Variants in FSTL4 observed in about 807,000 individuals in gnomAD.
FSTL4 encodes follistatin-related protein 4.
Under a neutral mutation model 78.2 loss-of-function variants are expected in FSTL4, and 28 were observed. The ratio of observed to expected loss-of-function variants is 0.36; its 90% CI spans 0.27 to 0.49. The LOEUF (loss-of-function observed/expected upper bound fraction) is 0.49, where lower values mean the gene tolerates loss of function less well. Ranked by LOEUF, FSTL4 falls within the 20% of genes least tolerant of loss-of-function variation. FSTL4 has a pLI of 0.98. For missense variants in FSTL4, 922 were observed against 1,084.9 expected (o/e 0.85, Z 2.11); for synonymous variants, 422 against 440.5 (o/e 0.96, Z 0.53).
At chr5:133,618,656 A>G in the FSTL4 span, among the ~76,000 whole-genome samples, 1 of 152,318 alleles carries the variant, frequency 6.6e-6, no homozygotes, top group East Asian at 1.9e-4. Flanking sequence ...TCCTCATGAC[A>G]ACTCTGTAAG....
In FSTL4 at chr5:133,361,814, G is replaced by C. The variant is rs932790981; in HGVS notation, c.409+38924C>G. On this transcript the variant is annotated intron_variant, in intron 4 of 15. Transcript: ENST00000265342. The surrounding 1 kb of genome is among the most constrained non-coding windows in gnomAD (Gnocchi z 4.3). The stretch of plus-strand genomic sequence containing the variant: ...GTTGCTGTTAGTATTGAGTGAGCAA[G>C]GACCAGGGATACCAGACATTTTGCA... Among the ~76,000 whole-genome samples the C allele has an allele frequency of 1.3e-5, 2 of 152,164 alleles. No homozygotes were observed. The highest frequency in any genetic ancestry group is 2.9e-5 in the Non-Finnish European group (2 of 68,032).
At chr5:133,774,622 G>A in the FSTL4 span, among the ~76,000 whole-genome samples, 41 of 152,138 alleles carry the variant, frequency 2.7e-4, no homozygotes, top group Admixed American at 2.7e-3. Context: ...TTTGTTTGCT[G>A]GTTGAAACAT....
chr5:133,532,768 T>C (rs1759282347), intron 3 of FSTL4, among the ~76,000 whole-genome samples: 3 of 152,192 alleles, frequency 2.0e-5, no homozygotes, highest in Non-Finnish European at 4.4e-5. Flanking sequence ...ATGTCACCTG[T>C]GGCCATCCTG....
intron 6 of FSTL4, among the ~76,000 whole-genome samples, chr5:133,260,990 G>A (rs1329506845): frequency 1.3e-5 from 2 of 152,188 alleles, no homozygotes; most frequent in Non-Finnish European, 2.9e-5. Context: ...CCTGTGGTCT[G>A]GTAAGGAGTC....
the FSTL4 span, among the ~76,000 whole-genome samples, chr5:133,784,736 GA>G: frequency 4.3e-3 from 587 of 137,608 alleles, no homozygotes; most frequent in South Asian, 0.015. Flanking sequence ...ATTCCCTTAA[GA>G]AAAAAAAAAA....
the FSTL4 span, among the ~76,000 whole-genome samples, chr5:133,634,934 G>A: frequency 6.6e-6 from 1 of 152,096 alleles, no homozygotes; most frequent in Non-Finnish European, 1.5e-5. Context: ...TTCATCCAGA[G>A]CTTAGTTATA....
chr5:133,725,516 G>T, the FSTL4 span, among the ~76,000 whole-genome samples: 1 of 152,120 alleles, frequency 6.6e-6, no homozygotes, highest in African/African-American at 2.4e-5. Context: ...ATTGTTAATG[G>T]TAGAGACAAT....
chr5:133,617,742 A>G, the FSTL4 span, among the ~76,000 whole-genome samples: 1 of 152,210 alleles, frequency 6.6e-6, no homozygotes, highest in Non-Finnish European at 1.5e-5. Context: ...TAGAGACCCC[A>G]GACTGATAGA....
chr5:133,201,543 C>T (rs1750319725), intron 15 of FSTL4, among the ~76,000 whole-genome samples: 1 of 152,224 alleles, frequency 6.6e-6, no homozygotes, highest in Non-Finnish European at 1.5e-5. Flanking sequence ...GTCTTCACTT[C>T]TCTGATCCTC....
chr5:133,614,715 G>T (rs368949071), upstream of FSTL4, among the ~76,000 whole-genome samples: 1 of 152,114 alleles, frequency 6.6e-6, no homozygotes, highest in Admixed American at 6.5e-5. Context: ...CAAGCATACT[G>T]ATTCTCAATA....
At chr5:133,513,698 T>C (rs1758787818) in intron 3 of FSTL4, among the ~76,000 whole-genome samples, 1 of 152,144 alleles carries the variant, frequency 6.6e-6, no homozygotes, top group Non-Finnish European at 1.5e-5. Flanking sequence ...CACTTCTTTT[T>C]CAGTGGTAAG....
At chr5:133,459,007 G>C (rs1249741734) in intron 3 of FSTL4, among the ~76,000 whole-genome samples, 1 of 152,076 alleles carries the variant, frequency 6.6e-6, no homozygotes, top group Non-Finnish European at 1.5e-5. Context: ...GGTGCTGATG[G>C]ATGGCTCAGA....
Position 133,576,321 on chromosome 5 carries a change from T to C in FSTL4, c.127-9102A>G, listed in dbSNP as rs116402741. Among the ~76,000 whole-genome samples the C allele has an allele frequency of 7.8e-3, 1,192 of 152,312 alleles. 14 individuals carry two copies. Among genetic ancestry groups the C allele is most frequent in the African/African-American group, 0.026 (1,072 of 41,570 alleles). On this transcript the variant is annotated intron_variant, in intron 2 of 15. Coordinates refer to ENST00000265342, the MANE Select transcript of FSTL4 (RefSeq NM_015082.2). ...CAGATCATAGTCACGCCTCTCCATC[T>C]GTGCTCTCAGAGGTCTTTGGTTAGG... is the stretch of plus-strand genomic sequence containing the variant.
Position 133,199,047 on chromosome 5 carries a change from G to C in FSTL4, c.*48C>G. 8.3e-7 allele frequency: 1 copy of C among 1,203,038 alleles called. No individual in the cohort carries two copies. The highest frequency in any genetic ancestry group is 1.2e-6 in the Non-Finnish European group (1 of 859,142). 74.5% of individuals were successfully genotyped at this position (1,203,038 alleles called of 1,614,324 possible). On this transcript the variant is annotated 3_prime_UTR_variant, in exon 16 of 16. Transcript: ENST00000265342. This position sits in a 1 kb window ranked among gnomAD's most constrained non-coding sequence, Gnocchi z 4.4. ...CAGCGTACCTGCTTGAGGCTGCAGT[G>C]TCAGGACTAGGGGGTGTTCCTTGGC...
At chr5:133,651,359 G>A in the FSTL4 span, among the ~76,000 whole-genome samples, 2 of 152,146 alleles carry the variant, frequency 1.3e-5, no homozygotes, top group Non-Finnish European at 2.9e-5. Flanking sequence ...TATGATGTTA[G>A]CTATAGGGTT....
chr5:133,680,765 A>G, the FSTL4 span, among the ~76,000 whole-genome samples: 7 of 152,244 alleles, frequency 4.6e-5, no homozygotes, highest in African/African-American at 1.7e-4. Context: ...TGGTTACAGC[A>G]GAATGAATAC....
chr5:133,603,814 A>G (rs768627548), intron 2 of FSTL4, 44 bp downstream of exon 2: 2 of 1,595,242 alleles, frequency 1.3e-6, no homozygotes, highest in African/African-American at 1.3e-5. Context: ...AACATCGGAA[A>G]GCAATCAGTT....
At chr5:133,485,128 C>T (rs1758105713) in intron 3 of FSTL4, among the ~76,000 whole-genome samples, 2 of 152,186 alleles carry the variant, frequency 1.3e-5, no homozygotes, top group African/African-American at 4.8e-5. Flanking sequence ...CAGGTAGTGC[C>T]ATTTCTCTGT....
the FSTL4 span, among the ~76,000 whole-genome samples, chr5:133,722,313 C>T: frequency 6.6e-6 from 1 of 152,166 alleles, no homozygotes; most frequent in South Asian, 2.1e-4. Flanking sequence ...GCCATTCCCC[C>T]ACCACCCAGT....
Sources: gnomAD v4.1 joint callset for allele counts (sites outside exome capture counted in the v4.1 genomes callset) on GRCh38, gnomAD v4.1.1 for gene constraint, Gnocchi (gnomAD v3.1) non-coding constraint, MANE v1.5 for transcripts, NCBI Gene and HGNC (gene_info 2026-07-23, HGNC 2026-07-21) for gene names.